SIRPA: variants seen among roughly 807,000 people sequenced by gnomAD.
SIRPA encodes the protein tyrosine-protein phosphatase non-receptor type substrate 1.
In SIRPA, 9 loss-of-function variants were observed where a neutral mutation model predicts 50.3. The ratio of observed to expected loss-of-function variants is 0.18; its 90% CI spans 0.11 to 0.31. The LOEUF (loss-of-function observed/expected upper bound fraction) is 0.31, where lower values mean the gene tolerates loss of function less well. Among genes scored for constraint, SIRPA ranks in the 10% least tolerant of loss-of-function variants. The pLI is 1.00. For missense variants in SIRPA, 474 were observed against 661.6 expected (o/e 0.72, Z 3.11); for synonymous variants, 265 against 284.1 (o/e 0.93, Z 0.68).
At chr20:1,929,195 G>A (rs540992056) in intron 6 of SIRPA, among the ~76,000 whole-genome samples, 1 of 152,176 alleles carries the variant, frequency 6.6e-6, no homozygotes, top group Admixed American at 6.5e-5. Flanking sequence ...AGATGGACAC[G>A]ATCTGACTTT....
At chr20:1,907,682 T>C (rs933070320) in intron 1 of SIRPA, among the ~76,000 whole-genome samples, 4 of 152,238 alleles carry the variant, frequency 2.6e-5, no homozygotes, top group African/African-American at 4.8e-5. Context: ...ATTGCTCATG[T>C]CCAGGACGGC....
At position 1,937,204 on chromosome 20, in the gene SIRPA, C is replaced by A; in HGVS notation, c.1267-116C>A. 8.0e-7 allele frequency: 1 copy of A among 1,249,842 alleles called. No homozygotes were observed. Among genetic ancestry groups the A allele is most frequent in the Non-Finnish European group, 1.1e-6 (1 of 893,260 alleles). The allele number at this position is 1,249,842 out of a possible 1,614,324, so 77.4% of individuals were successfully genotyped here. On this transcript the variant is annotated intron_variant, in intron 7 of 7. Coordinates refer to ENST00000358771, the MANE Select transcript of SIRPA (RefSeq NM_001040023.2). The surrounding 1 kb of genome is among the most constrained non-coding windows in gnomAD (Gnocchi z 8.3). ...AGGGGAACATGACTTATGGCTGAGC[C>A]AGTGTGGGCCGAGAGGACACAGAAG...
rs1986670679 is a variant in SIRPA at position 1,937,670 on chromosome 20, G to T, written c.*102G>T. On this transcript the variant is annotated 3_prime_UTR_variant, in exon 8 of 8. Coordinates refer to ENST00000358771, the MANE Select transcript of SIRPA (RefSeq NM_001040023.2). The surrounding 1 kb of genome is among the most constrained non-coding windows in gnomAD (Gnocchi z 8.3). Reference sequence around the variant, plus strand: ...CCAACCCAGTTCCCGGAGGGCTGGGGCGGTGCAGGCTCTGGGACCCAGGGG... The same window carrying T: ...CCAACCCAGTTCCCGGAGGGCTGGGTCGGTGCAGGCTCTGGGACCCAGGGG... 1 of 1,481,210 alleles carries T rather than the reference G, an allele frequency of 6.8e-7. No individual in the cohort carries two copies. The allele number at this position is 1,481,210 out of a possible 1,614,324, so 91.8% of individuals were successfully genotyped here.
chr20:1,920,194 A>G (rs550368770), intron 2 of SIRPA, among the ~76,000 whole-genome samples: 264 of 152,330 alleles, frequency 1.7e-3, no homozygotes, highest in African/African-American at 6.1e-3. Flanking sequence ...GCCAGTGTCC[A>G]GCTCCAGAGA....
chr20:1,904,121 C>G (rs549932014), intron 1 of SIRPA, among the ~76,000 whole-genome samples: 13 of 152,282 alleles, frequency 8.5e-5, no homozygotes, highest in East Asian at 7.7e-4. Context: ...CACAGTCCCC[C>G]CCCTGCAGCC....
In SIRPA at chr20:1,933,051, A is replaced by G. The variant is rs975817267; in HGVS notation, c.1227-1664A>G. Among the ~76,000 whole-genome samples the G allele has an allele frequency of 6.6e-6, 1 of 152,222 alleles. No homozygotes were observed. Among genetic ancestry groups the G allele is most frequent in the Non-Finnish European group, 1.5e-5 (1 of 68,036 alleles). On this transcript the variant is annotated intron_variant, in intron 6 of 7. Transcript: ENST00000358771. This position sits in a 1 kb window ranked among gnomAD's most constrained non-coding sequence, Gnocchi z 4.4. ...AAGGCTGTTTAAAAATAGCATCTGA[A>G]GGAAGAAAAGGATTAAAGCAGATTA... is the stretch of plus-strand genomic sequence containing the variant.
rs1401152030 is a variant in SIRPA, at chr20:1,934,625, A to C, written c.1227-90A>C. 1 of 1,301,998 alleles carries C rather than the reference A, an allele frequency of 7.7e-7. No homozygotes were observed. Among genetic ancestry groups the C allele is most frequent in the Non-Finnish European group, 1.1e-6 (1 of 901,824 alleles). 80.7% of individuals were successfully genotyped at this position (1,301,998 alleles called of 1,614,324 possible). A position where few individuals can be genotyped will look rare whatever the true frequency, so the allele number is the denominator to read the frequency against. On this transcript the variant is annotated intron_variant, in intron 6 of 7. Coordinates refer to ENST00000358771, the MANE Select transcript of SIRPA (RefSeq NM_001040023.2). The surrounding 1 kb of genome is among the most constrained non-coding windows in gnomAD (Gnocchi z 4.6). ...TCGTTCATGTCCTCAACCCATATAG[A>C]AAATGGAGCCTAAATGTTATTCTTA...
chr20:1,938,259 G>A lies in SIRPA; in HGVS notation c.*691G>A, dbSNP rs1392998526. The A allele has an allele frequency of 6.5e-6, 1 of 152,832 alleles. No individual in the cohort carries two copies. Among genetic ancestry groups the A allele is most frequent in the African/African-American group, 2.4e-5 (1 of 41,412 alleles). The allele number at this position is 152,832 out of a possible 1,614,324, so 9.5% of individuals were successfully genotyped here. ...CTTGGGTCCCTCCAAGACTCCCTGG[G>A]GCCCAACTGTGTTGCTCCACCCGGA... On this transcript the variant is annotated 3_prime_UTR_variant, in exon 8 of 8. Coordinates refer to ENST00000358771, the MANE Select transcript of SIRPA (RefSeq NM_001040023.2).
chr20:1,901,933 C>T (rs1984238981), intron 1 of SIRPA, among the ~76,000 whole-genome samples: 1 of 152,190 alleles, frequency 6.6e-6, no homozygotes, highest in East Asian at 1.9e-4. Flanking sequence ...GCCGTTTCTA[C>T]AGCTCCATTC....
At chr20:1,926,290 C>A (rs188862297) in intron 5 of SIRPA, among the ~76,000 whole-genome samples, 54 of 152,384 alleles carry the variant, frequency 3.5e-4, no homozygotes, top group African/African-American at 1.0e-3. Flanking sequence ...AGGGAGGACT[C>A]CTCCTTGGAT....
In SIRPA at chr20:1,934,175, CTT is replaced by C. The variant is rs1477203078; in HGVS notation, c.1227-538_1227-537del. Among the ~76,000 whole-genome samples, 2 of 152,018 alleles carry C rather than the reference CTT, an allele frequency of 1.3e-5. No homozygotes were observed. Among genetic ancestry groups the C allele is most frequent in the Non-Finnish European group, 2.9e-5 (2 of 68,002 alleles). On this transcript the variant is annotated intron_variant, in intron 6 of 7. Coordinates refer to ENST00000358771, the MANE Select transcript of SIRPA (RefSeq NM_001040023.2). The surrounding 1 kb of genome is among the most constrained non-coding windows in gnomAD (Gnocchi z 4.6). ...AAACCTCCTCATAAACCTTTTAAAT[CTT>C]TATCTGTGGATTTATCCTAATTTCC... is the stretch of plus-strand genomic sequence containing the variant.
intron 1 of SIRPA, among the ~76,000 whole-genome samples, chr20:1,905,119 G>T (rs193170888): frequency 6.6e-6 from 1 of 152,364 alleles, no homozygotes; most frequent in South Asian, 2.1e-4. Flanking sequence ...AGGAATCAGT[G>T]AATAGTGTCA....
chr20:1,927,773 C>T lies in SIRPA; in HGVS notation c.1202-102C>T. On this transcript the variant is annotated intron_variant, in intron 5 of 7. Transcript: ENST00000358771. The surrounding 1 kb of genome is among the most constrained non-coding windows in gnomAD (Gnocchi z 6.5). ...TTCCAAGGATGTGATTACAGCATTT[C>T]CTCTCCATGTCCCTGGAGGCAAACC... The T allele has an allele frequency of 1.0e-6, 1 of 1,002,140 alleles. No homozygotes were observed. Among genetic ancestry groups the T allele is most frequent in the Non-Finnish European group, 1.6e-6 (1 of 623,108 alleles). The allele number at this position is 1,002,140 out of a possible 1,614,324, so 62.1% of individuals were successfully genotyped here. A position where few individuals can be genotyped will look rare whatever the true frequency, so the allele number is the denominator to read the frequency against.
At chr20:1,925,608 C>T (rs948126658) in intron 5 of SIRPA, among the ~76,000 whole-genome samples, 3 of 152,160 alleles carry the variant, frequency 2.0e-5, no homozygotes, top group African/African-American at 7.2e-5. Flanking sequence ...GTGGCAGGGC[C>T]TCTGACTTTG....
chr20:1,908,236 C>A (rs755519038), intron 1 of SIRPA, among the ~76,000 whole-genome samples: 1 of 152,080 alleles, frequency 6.6e-6, no homozygotes, highest in East Asian at 1.9e-4. Context: ...AACACAGGCA[C>A]ACGGACACCT....
intron 1 of SIRPA, among the ~76,000 whole-genome samples, chr20:1,900,103 CTTTTTTTTTTTTTT>C (rs1229901587): frequency 1.6e-5 from 2 of 127,192 alleles, no homozygotes; most frequent in Non-Finnish European, 3.3e-5. Flanking sequence ...TTTTTTTTTT[CTTTTTTTTTTTTTT>C]GAGATGGAGT....
chr20:1,931,743 G>A (rs1351797385), intron 6 of SIRPA, among the ~76,000 whole-genome samples: 1 of 152,162 alleles, frequency 6.6e-6, no homozygotes, highest in Admixed American at 6.5e-5. Context: ...GGCTGGTGGA[G>A]GGATTGGCTC....
At chr20:1,935,030 A>G (rs1177429041) in intron 7 of SIRPA, among the ~76,000 whole-genome samples, 1 of 152,206 alleles carries the variant, frequency 6.6e-6, no homozygotes, top group East Asian at 1.9e-4. Context: ...CCCTGGAGTC[A>G]GGCTGCAGCT....
chr20:1,910,554 G>A (rs1021251933), intron 1 of SIRPA, among the ~76,000 whole-genome samples: 1 of 152,032 alleles, frequency 6.6e-6, no homozygotes, highest in East Asian at 1.9e-4. Flanking sequence ...AAGATTTATC[G>A]AGCGTCTACA....
Sources: gnomAD v4.1 joint callset for allele counts (sites outside exome capture counted in the v4.1 genomes callset) on GRCh38, gnomAD v4.1.1 for gene constraint, Gnocchi (gnomAD v3.1) non-coding constraint, MANE v1.5 for transcripts, NCBI Gene and HGNC (gene_info 2026-07-23, HGNC 2026-07-21) for gene names.